AFG1L: variants seen among roughly 807,000 people sequenced by gnomAD.
AFG1L encodes the protein AFG1 like ATPase.
Under a neutral mutation model 62.2 loss-of-function variants are expected in AFG1L, and 53 were observed. The observed-to-expected ratio is 0.85, with a 90% confidence interval of 0.68 to 1.07. The LOEUF is 1.07. Among genes scored for constraint, AFG1L ranks in the 50% least tolerant of loss-of-function variants. The pLI is 0.00. For synonymous variants in AFG1L, 228 were observed against 210.3 expected, an observed-to-expected ratio of 1.08 and a Z score of -0.73; for missense variants, 555 against 590.5, an observed-to-expected ratio of 0.94 and a Z score of 0.62.
chr6:108,495,075 T>C (rs1773924254), intron 10 of AFG1L, among the ~76,000 whole-genome samples: 1 of 152,124 alleles, frequency 6.6e-6, no homozygotes, highest in Non-Finnish European at 1.5e-5. Flanking sequence ...ACACCCAGCC[T>C]TGTTTTTCTA....
chr6:108,345,026 T>A (rs1255766084), intron 2 of AFG1L, among the ~76,000 whole-genome samples: 5 of 152,202 alleles, frequency 3.3e-5, no homozygotes, highest in Non-Finnish European at 7.4e-5. Flanking sequence ...TCCCAGAGCC[T>A]ATGTTTTCTT....
At chr6:108,442,857 A>G (rs1582594445) in intron 7 of AFG1L, among the ~76,000 whole-genome samples, 1 of 151,942 alleles carries the variant, frequency 6.6e-6, no homozygotes, top group African/African-American at 2.4e-5. Context: ...TTTCCAGGGG[A>G]TTGTTGGTCA....
intron 5 of AFG1L, among the ~76,000 whole-genome samples, chr6:108,357,262 G>A (rs1167511559): frequency 6.6e-6 from 1 of 152,076 alleles, no homozygotes; most frequent in Non-Finnish European, 1.5e-5. Context: ...AAACAATTTT[G>A]TAGAGATTAG....
intron 8 of AFG1L, among the ~76,000 whole-genome samples, chr6:108,456,677 C>G (rs1772264277): frequency 6.6e-6 from 1 of 152,212 alleles, no homozygotes; most frequent in East Asian, 1.9e-4. Flanking sequence ...TCTACCTTCT[C>G]TATGGAATTT....
intron 6 of AFG1L, among the ~76,000 whole-genome samples, chr6:108,400,674 T>A (rs1378262842): frequency 9.8e-6 from 1 of 102,490 alleles, no homozygotes; most frequent in African/African-American, 3.8e-5. Context: ...AATTTATATA[T>A]TATATATTAT....
intron 6 of AFG1L, among the ~76,000 whole-genome samples, chr6:108,379,343 G>C (rs1269914643): frequency 6.6e-6 from 1 of 152,122 alleles, no homozygotes; most frequent in Non-Finnish European, 1.5e-5. Context: ...GTTTTATATT[G>C]GGCTGTGGAG....
chr6:108,304,653 T>C (rs1777137743), intron 1 of AFG1L, among the ~76,000 whole-genome samples: 2 of 152,244 alleles, frequency 1.3e-5, no homozygotes, highest in Non-Finnish European at 2.9e-5. Flanking sequence ...CTTTTACTGA[T>C]TGTGCATTTT....
intron 2 of AFG1L, among the ~76,000 whole-genome samples, chr6:108,343,203 C>A (rs555551697): frequency 1.5e-4 from 23 of 151,994 alleles, no homozygotes; most frequent in Non-Finnish European, 3.1e-4. Context: ...TAGCCTGCCA[C>A]CATGCCTGGC....
chr6:108,342,261 G>T (rs1022592681), intron 2 of AFG1L, among the ~76,000 whole-genome samples: 1 of 152,180 alleles, frequency 6.6e-6, no homozygotes, highest in Non-Finnish European at 1.5e-5. Context: ...AAGGGCAGTC[G>T]CTTGGGGTAC....
intron 6 of AFG1L, among the ~76,000 whole-genome samples, chr6:108,382,246 C>T (rs551080328): frequency 1.7e-4 from 26 of 152,186 alleles, no homozygotes; most frequent in Admixed American, 3.9e-4. Flanking sequence ...GTGATCCACC[C>T]GCCTTGGCTT....
intron 8 of AFG1L, among the ~76,000 whole-genome samples, chr6:108,468,759 CT>C (rs34963344): frequency 0.36 from 50,608 of 138,690 alleles, 9,121 homozygotes; most frequent in Non-Finnish European, 0.43. Context: ...TTCTATTTTC[CT>C]TTTTTTTTTT....
At chr6:108,340,214 G>A (rs560344103) in intron 2 of AFG1L, among the ~76,000 whole-genome samples, 119 of 151,618 alleles carry the variant, frequency 7.8e-4, no homozygotes, top group Non-Finnish European at 1.3e-3. Flanking sequence ...CATTCATGTT[G>A]TTGCAAATAA....
intron 7 of AFG1L, among the ~76,000 whole-genome samples, chr6:108,409,451 G>T (rs1782007031): frequency 6.6e-6 from 1 of 152,142 alleles, no homozygotes. Context: ...AGGGAGGAAG[G>T]AGCAGGAGCG....
At chr6:108,444,418 G>C (rs1419079733) in intron 7 of AFG1L, among the ~76,000 whole-genome samples, 2 of 152,148 alleles carry the variant, frequency 1.3e-5, no homozygotes, top group Non-Finnish European at 2.9e-5. Context: ...AGGTTGGAGT[G>C]GCTGTGGCAG....
intron 7 of AFG1L, among the ~76,000 whole-genome samples, chr6:108,410,237 G>T (rs1017077322): frequency 1.2e-4 from 19 of 152,086 alleles, no homozygotes; most frequent in Non-Finnish European, 2.6e-4. Context: ...AACCTGGGGG[G>T]CAGAGGTTGC....
At chr6:108,415,971 A>C (rs936229799) in intron 7 of AFG1L, among the ~76,000 whole-genome samples, 9 of 152,238 alleles carry the variant, frequency 5.9e-5, no homozygotes, top group Non-Finnish European at 1.0e-4. Flanking sequence ...AACTACCATC[A>C]GAGTGAACAG....
At chr6:108,315,583 T>A (rs1777559295) in intron 1 of AFG1L, among the ~76,000 whole-genome samples, 1 of 152,136 alleles carries the variant, frequency 6.6e-6, no homozygotes, top group African/African-American at 2.4e-5. Context: ...TTCCTTCCTT[T>A]TTTGTTGCTT....
intron 5 of AFG1L, 118 bp from the exon 6 acceptor site, chr6:108,366,115 G>A (rs1340708468): frequency 1.7e-6 from 1 of 589,824 alleles, no homozygotes; most frequent in Non-Finnish European, 3.1e-6. Flanking sequence ...TCTTCATGAT[G>A]ATAATTAGAA....
At chr6:108,425,967 A>C (rs1382252249) in intron 7 of AFG1L, among the ~76,000 whole-genome samples, 2 of 152,190 alleles carry the variant, frequency 1.3e-5, no homozygotes, top group African/African-American at 4.8e-5. Flanking sequence ...CTTCAGATAA[A>C]GGTACTAATA....
Sources: allele counts gnomAD v4.1 joint callset (sites outside exome capture counted in the v4.1 genomes callset), GRCh38; gene constraint gnomAD v4.1.1; transcripts MANE v1.5; gene names NCBI Gene and HGNC (gene_info 2026-07-23, HGNC 2026-07-21).